The following CADM2 variants were observed in gnomAD, a reference collection of about 807,000 sequenced individuals.
CADM2 encodes the protein immunoglobulin superfamily member 4D.
CADM2 carries 12 observed loss-of-function variants against 49.8 expected under a neutral mutation model. That is an observed-to-expected ratio of 0.24 (90% confidence interval 0.15 to 0.39). CADM2 has a LOEUF of 0.39. Ranked by LOEUF, CADM2 falls within the 10% of genes least tolerant of loss-of-function variation. The pLI, the probability that CADM2 is intolerant of heterozygous loss-of-function variation, is 1.00. For missense variants in CADM2, 378 were observed against 492.3 expected, an observed-to-expected ratio of 0.77 and a Z score of 2.20; for synonymous variants, 214 against 175.4, an observed-to-expected ratio of 1.22 and a Z score of -1.74.
intron 1 of CADM2, among the ~76,000 whole-genome samples, chr3:85,595,834 T>C (rs1269110506): frequency 1.3e-5 from 2 of 151,954 alleles, no homozygotes; most frequent in African/African-American, 4.8e-5. Flanking sequence ...TTTTAAAGTG[T>C]TACACTTTTT....
At chr3:85,344,358 C>T (rs903941605) in intron 1 of CADM2, among the ~76,000 whole-genome samples, 2 of 149,606 alleles carry the variant, frequency 1.3e-5, no homozygotes, top group African/African-American at 2.5e-5. Context: ...TCCAGCCCAG[C>T]GACAGAGTGA....
At chr3:85,941,476 T>C (rs1034039681) in intron 7 of CADM2, among the ~76,000 whole-genome samples, 4 of 152,006 alleles carry the variant, frequency 2.6e-5, no homozygotes, top group Non-Finnish European at 1.5e-5. Context: ...GATATTTTAT[T>C]TGAAGTTAAA....
chr3:85,154,323 G>T (rs1340435751), intron 1 of CADM2, among the ~76,000 whole-genome samples: 1 of 152,130 alleles, frequency 6.6e-6, no homozygotes, highest in Admixed American at 6.5e-5. Flanking sequence ...GCGATCAACT[G>T]GAAGAAAGGG....
intron 9 of CADM2, among the ~76,000 whole-genome samples, chr3:86,066,155 A>G (rs1435159359): frequency 2.0e-5 from 3 of 151,846 alleles, no homozygotes; most frequent in East Asian, 1.9e-4. Context: ...AAAGAAGTTT[A>G]CCAAAAGAAA....
chr3:85,481,340 A>G (rs1347636479), intron 1 of CADM2, among the ~76,000 whole-genome samples: 1 of 151,550 alleles, frequency 6.6e-6, no homozygotes, highest in East Asian at 1.9e-4. Context: ...TTTATCACCA[A>G]TGACCTAGGA....
At chr3:85,234,763 C>G (rs2107821335) in intron 1 of CADM2, among the ~76,000 whole-genome samples, 1 of 152,258 alleles carries the variant, frequency 6.6e-6, no homozygotes, top group African/African-American at 2.4e-5. Flanking sequence ...AGTAGTAGTA[C>G]TCTCCAGAGT....
chr3:85,901,771 C>A (rs1716151782), intron 5 of CADM2, among the ~76,000 whole-genome samples: 1 of 152,154 alleles, frequency 6.6e-6, no homozygotes, highest in African/African-American at 2.4e-5. Flanking sequence ...CTACAAGAAG[C>A]CTGTTAGTGA....
At chr3:85,600,130 T>G (rs1201500499) in intron 1 of CADM2, among the ~76,000 whole-genome samples, 3 of 151,966 alleles carry the variant, frequency 2.0e-5, no homozygotes, top group African/African-American at 7.2e-5. Context: ...AAATACAAAT[T>G]ATTGCTTAGT....
intron 1 of CADM2, among the ~76,000 whole-genome samples, chr3:85,393,160 T>C (rs1343414301): frequency 2.7e-5 from 4 of 150,112 alleles, no homozygotes; most frequent in African/African-American, 9.8e-5. Flanking sequence ...AACAAGACAA[T>C]GGAACTGTAA....
chr3:85,098,253 G>A (rs373084875), intron 1 of CADM2, among the ~76,000 whole-genome samples: 4 of 105,342 alleles, frequency 3.8e-5, no homozygotes, highest in East Asian at 2.2e-4. Context: ...GGACATTATC[G>A]TAGAAAAAAA....
At chr3:85,562,050 A>G (rs956643928) in intron 1 of CADM2, among the ~76,000 whole-genome samples, 1 of 152,160 alleles carries the variant, frequency 6.6e-6, no homozygotes, top group African/African-American at 2.4e-5. Flanking sequence ...AACTTTCCAT[A>G]AAAGTTGTGT....
intron 8 of CADM2, among the ~76,000 whole-genome samples, chr3:86,064,293 G>C (rs1739053136): frequency 6.6e-6 from 1 of 152,012 alleles, no homozygotes; most frequent in Non-Finnish European, 1.5e-5. Flanking sequence ...CTATGAGTGA[G>C]AACATGCAGT....
chr3:85,800,870 T>A (rs2071979587), intron 2 of CADM2: 1 of 152,196 alleles, frequency 6.6e-6, no homozygotes, highest in Non-Finnish European at 1.5e-5. Context: ...GGCCGGGGAA[T>A]CCCTGGTAAT....
At chr3:84,960,480 T>TA (rs1213003042) in intron 1 of CADM2, 3 of 152,056 alleles carry the variant, frequency 2.0e-5, no homozygotes, top group Admixed American at 6.5e-5. Context: ...GTCTGTGTCG[T>TA]TTCTTTTTTT....
At chr3:85,617,278 T>G (rs926724890) in intron 1 of CADM2, among the ~76,000 whole-genome samples, 7 of 152,092 alleles carry the variant, frequency 4.6e-5, no homozygotes, top group African/African-American at 1.7e-4. Flanking sequence ...TACCTTTCAG[T>G]TTGATTTATT....
At chr3:85,756,802 A>C (rs1288247086) in intron 2 of CADM2, among the ~76,000 whole-genome samples, 2 of 152,162 alleles carry the variant, frequency 1.3e-5, no homozygotes, top group African/African-American at 2.4e-5. Context: ...ACAGAAAATA[A>C]ATTATTTTAT....
intron 3 of CADM2, among the ~76,000 whole-genome samples, chr3:85,831,188 T>C (rs901581082): frequency 3.3e-5 from 5 of 151,934 alleles, no homozygotes; most frequent in Non-Finnish European, 7.4e-5. Flanking sequence ...TTTATGGTTG[T>C]TTATCATTCC....
chr3:85,478,932 G>T (rs983425986), intron 1 of CADM2, among the ~76,000 whole-genome samples: 3 of 151,038 alleles, frequency 2.0e-5, no homozygotes, highest in African/African-American at 7.4e-5. Context: ...ATGAAGTTTT[G>T]TTTTTATTTT....
intron 1 of CADM2, among the ~76,000 whole-genome samples, chr3:85,121,151 G>A (rs1246294865): frequency 6.6e-6 from 1 of 152,114 alleles, no homozygotes; most frequent in Admixed American, 6.5e-5. Context: ...CTGCCCTCAG[G>A]GTAATAAAGG....
Sources: gnomAD v4.1 joint callset for allele counts (sites outside exome capture counted in the v4.1 genomes callset) on GRCh38, gnomAD v4.1.1 for gene constraint, MANE v1.5 for transcripts, NCBI Gene and HGNC (gene_info 2026-07-23, HGNC 2026-07-21) for gene names.